KLHL20: variants seen among roughly 807,000 people sequenced by gnomAD.
KLHL20 encodes the protein kelch-like protein 20.
A neutral mutation model predicts 69.5 loss-of-function variants in KLHL20; 29 were observed. That is an observed-to-expected ratio of 0.42 (90% CI 0.31 to 0.57). The LOEUF is 0.57. KLHL20 is among the 20% of genes least tolerant of loss of function. The pLI, the probability that KLHL20 is intolerant of heterozygous loss-of-function variation, is 0.18. For synonymous variants in KLHL20, 253 were observed against 265.2 expected (o/e 0.95, Z 0.45); for missense variants, 419 against 776.0 (o/e 0.54, Z 5.47).
At chr1:173,744,536 T>A (rs1328805413) in intron 3 of KLHL20, among the ~76,000 whole-genome samples, 1 of 140,910 alleles carries the variant, frequency 7.1e-6, no homozygotes, top group Non-Finnish European at 1.6e-5. Context: ...ATCTGGATTT[T>A]GAGGCAGAGT....
At chr1:173,784,130 T>G (rs547679136) in intron 11 of KLHL20, among the ~76,000 whole-genome samples, 85 of 152,132 alleles carry the variant, frequency 5.6e-4, no homozygotes, top group African/African-American at 2.0e-3. Context: ...AGCTAACCAA[T>G]TGTATTGAGG....
chr1:173,739,327 C>T (rs1050778454), intron 3 of KLHL20, among the ~76,000 whole-genome samples: 1 of 152,194 alleles, frequency 6.6e-6, no homozygotes, highest in Non-Finnish European at 1.5e-5. Context: ...CCACCTCAGC[C>T]TCCCAAAGTG....
chr1:173,761,065 A>G (rs1647268276), intron 7 of KLHL20, among the ~76,000 whole-genome samples: 1 of 152,206 alleles, frequency 6.6e-6, no homozygotes, highest in South Asian at 2.1e-4. Context: ...ATGGACACCA[A>G]AAGCGAGCAG....
At chr1:173,723,815 T>C (rs1384100548) in intron 2 of KLHL20, among the ~76,000 whole-genome samples, 1 of 152,184 alleles carries the variant, frequency 6.6e-6, no homozygotes, top group African/African-American at 2.4e-5. Flanking sequence ...AACAGAAATA[T>C]AACGATCTGG....
chr1:173,750,332 C>G (rs2102496280), intron 3 of KLHL20, among the ~76,000 whole-genome samples: 1 of 152,128 alleles, frequency 6.6e-6, no homozygotes, highest in Middle Eastern at 3.4e-3. Flanking sequence ...GGTGATATGG[C>G]CTCACCTGTC....
intron 3 of KLHL20, among the ~76,000 whole-genome samples, chr1:173,746,360 A>T (rs1673058851): frequency 6.6e-6 from 1 of 152,176 alleles, no homozygotes; most frequent in Admixed American, 6.5e-5. Context: ...TATGGTCTGT[A>T]AAAGTTTGAT....
intron 3 of KLHL20, among the ~76,000 whole-genome samples, chr1:173,747,773 A>G (rs760112304): frequency 6.6e-6 from 1 of 151,834 alleles, no homozygotes; most frequent in Non-Finnish European, 1.5e-5. Flanking sequence ...TTCTTTTGGT[A>G]TATAGGAAAG....
intron 10 of KLHL20, among the ~76,000 whole-genome samples, chr1:173,777,696 GAT>G (rs1296828902): frequency 6.6e-6 from 1 of 152,112 alleles, no homozygotes; most frequent in African/African-American, 2.4e-5. Flanking sequence ...TCATTCTGTT[GAT>G]ATGATGTACC....
At position 173,775,680 on chromosome 1, in the gene KLHL20, T is replaced by C; in HGVS notation, c.1476T>C (p.Pro492=). The C allele has an allele frequency of 6.2e-7, 1 of 1,614,168 alleles. No individual in the cohort carries two copies. Residue 492 remains proline (P), a synonymous_variant, in exon 10 of 12, where the codon CCT becomes CCC. Transcript: ENST00000209884. ...AAAACAGATGGCACACTATAGCCCCTATGGGGACCCGGAGGAAACACCTAG... is the reference window on the plus strand; with the variant it reads ...AAAACAGATGGCACACTATAGCCCCCATGGGGACCCGGAGGAAACACCTAG... ...PQENRWHTIA[P]MGTRRKHLGC... is the part of the protein sequence containing the mutation.
At chr1:173,778,134 TCTACATGTGC>T (rs1485055062) in intron 10 of KLHL20, among the ~76,000 whole-genome samples, 5 of 152,084 alleles carry the variant, frequency 3.3e-5, no homozygotes, top group South Asian at 2.1e-4. Context: ...GATACATAGG[TCTACATGTGC>T]CTACATGTGC....
chr1:173,718,068 TATAAG>T (rs1248037784), intron 2 of KLHL20, among the ~76,000 whole-genome samples: 1 of 152,132 alleles, frequency 6.6e-6, no homozygotes, highest in East Asian at 2.0e-4. Flanking sequence ...CACAAATGTA[TATAAG>T]ATGTCTTCTC....
At chr1:173,754,354 A>G (rs1345432389) in intron 5 of KLHL20, among the ~76,000 whole-genome samples, 3 of 152,160 alleles carry the variant, frequency 2.0e-5, no homozygotes, top group Non-Finnish European at 4.4e-5. Flanking sequence ...TGGGAGGCCG[A>G]GGTGGGTGTA....
In KLHL20 at chr1:173,722,891, T is replaced by C. The variant is rs911026866; in HGVS notation, c.23+6825T>C. On this transcript the variant is annotated intron_variant, in intron 2 of 11. Transcript: ENST00000209884. ...TTTTAGTAGAGATGGAGCCTCACCA[T>C]GTTGGCCAGGCTGGTCTCAAACTTC... 2.6e-5 allele frequency among the ~76,000 whole-genome samples: 4 copies of C among 152,226 alleles called. No individual in the cohort carries two copies. In the South Asian group the frequency reaches 8.3e-4, roughly 32 times the overall value.
At chr1:173,773,444 TA>T (rs1460992987) in intron 8 of KLHL20, among the ~76,000 whole-genome samples, 2 of 149,818 alleles carry the variant, frequency 1.3e-5, no homozygotes, top group Admixed American at 1.3e-4. Context: ...ATTAAATAAA[TA>T]AATATTAATT....
chr1:173,752,911 A>G (rs1673373941), intron 4 of KLHL20, among the ~76,000 whole-genome samples: 2 of 152,146 alleles, frequency 1.3e-5, no homozygotes, highest in South Asian at 2.1e-4. Flanking sequence ...GTACAAGCCC[A>G]TAATCCCAGC....
chr1:173,716,580 A>G (rs899923584), intron 2 of KLHL20, among the ~76,000 whole-genome samples: 11 of 152,198 alleles, frequency 7.2e-5, no homozygotes, highest in African/African-American at 2.7e-4. Flanking sequence ...GTCCATAGAA[A>G]AATAGAACAA....
At chr1:173,727,802 A>G (rs1198102272) in intron 2 of KLHL20, among the ~76,000 whole-genome samples, 1 of 152,210 alleles carries the variant, frequency 6.6e-6, no homozygotes, top group Non-Finnish European at 1.5e-5. Context: ...AAACATGCCA[A>G]ATTGTAAATA....
Position 173,761,370 on chromosome 1 carries a change from C to T in KLHL20, c.1151+4211C>T, listed in dbSNP as rs369011374. Among the ~76,000 whole-genome samples, 6 of 152,200 alleles carry T rather than the reference C, an allele frequency of 3.9e-5. No individual in the cohort carries two copies. In the East Asian group the frequency reaches 1.2e-3, roughly 29 times the overall value. On this transcript the variant is annotated intron_variant, in intron 7 of 11. Coordinates refer to ENST00000209884, the MANE Select transcript of KLHL20 (RefSeq NM_014458.4). ...AAAGAAACAATGGATTTAAACTATA[C>T]CTTGGAAAAAATGGACTTAACAGAT...
At chr1:173,748,884 T>A (rs1673186789) in intron 3 of KLHL20, among the ~76,000 whole-genome samples, 2 of 152,082 alleles carry the variant, frequency 1.3e-5, no homozygotes, top group African/African-American at 4.8e-5. Context: ...ACACTTAAAA[T>A]TTTTTTTAAT....
Sources: gnomAD v4.1 joint callset for allele counts (sites outside exome capture counted in the v4.1 genomes callset) on GRCh38, gnomAD v4.1.1 for gene constraint, MANE v1.5 for transcripts, NCBI Gene and HGNC (gene_info 2026-07-23, HGNC 2026-07-21) for gene names.